The following PLCG2 variants were observed in gnomAD, a reference collection of about 807,000 sequenced individuals.
PLCG2 encodes the protein phospholipase C gamma 2, also known as 1-phosphatidylinositol 4,5-bisphosphate phosphodiesterase gamma-2.
PLCG2 carries 69 observed loss-of-function variants against 175.6 expected under a neutral mutation model. The observed-to-expected ratio is 0.39, with a 90% CI of 0.32 to 0.48. PLCG2 has a LOEUF of 0.48. Among genes scored for constraint, PLCG2 ranks in the 20% least tolerant of loss-of-function variants. The pLI, the probability that PLCG2 is intolerant of heterozygous loss-of-function variation, is 0.91. For missense variants in PLCG2, 1,798 were observed against 1,650.9 expected (o/e 1.09, Z -1.54); for synonymous variants, 827 against 624.0 (o/e 1.33, Z -4.85).
At chr16:81,946,839 C>G (rs757989301) in intron 31 of PLCG2, among the ~76,000 whole-genome samples, 3 of 151,908 alleles carry the variant, frequency 2.0e-5, no homozygotes, top group African/African-American at 7.3e-5. Context: ...AATGGTAAAA[C>G]TGTAAAACCT....
intron 1 of PLCG2, chr16:81,739,549 C>G (rs113556119): frequency 6.6e-6 from 1 of 152,280 alleles, no homozygotes; most frequent in African/African-American, 2.4e-5. Flanking sequence ...TCCAGCTGCT[C>G]CCCCGTACTC....
At chr16:81,778,066 A>AAAC (rs1910523604), upstream of PLCG2, among the ~76,000 whole-genome samples, 50 of 84,904 alleles carry the variant, frequency 5.9e-4, 1 homozygote, top group South Asian at 9.3e-4. Flanking sequence ...AAAAAAAACC[A>AAAC]AAAACACACA....
chr16:81,938,156 C>A (rs1048707530), intron 28 of PLCG2, among the ~76,000 whole-genome samples: 5 of 152,074 alleles, frequency 3.3e-5, no homozygotes, highest in African/African-American at 1.2e-4. Context: ...GAGGTATGAC[C>A]CTATCTTTCT....
intron 2 of PLCG2, among the ~76,000 whole-genome samples, chr16:81,846,907 C>T (rs74029255): frequency 0.022 from 3,325 of 152,192 alleles, 119 homozygotes; most frequent in African/African-American, 0.074. Flanking sequence ...TTTCCCCCCA[C>T]GCATCAAGCA....
intron 10 of PLCG2, chr16:81,889,508 C>G (rs979575199): frequency 2.5e-6 from 1 of 406,822 alleles, no homozygotes; most frequent in East Asian, 3.8e-5. Flanking sequence ...CTAGACAGAA[C>G]CGATTGATCA....
chr16:81,833,019 C>A (rs1905330926), intron 2 of PLCG2, among the ~76,000 whole-genome samples: 1 of 152,186 alleles, frequency 6.6e-6, no homozygotes, highest in Non-Finnish European at 1.5e-5. Flanking sequence ...TGATGAGGAC[C>A]TGGAAAGGGA....
intron 2 of PLCG2, among the ~76,000 whole-genome samples, chr16:81,851,308 G>T (rs916900657): frequency 6.6e-6 from 1 of 152,120 alleles, no homozygotes; most frequent in South Asian, 2.1e-4. Flanking sequence ...CATGGTCGCT[G>T]GTGCAGTGCT....
intron 7 of PLCG2, among the ~76,000 whole-genome samples, chr16:81,875,437 C>G (rs1907733416): frequency 6.6e-6 from 1 of 152,208 alleles, no homozygotes; most frequent in Non-Finnish European, 1.5e-5. Flanking sequence ...TTCTGCCCAA[C>G]TTTGACGCAT....
intron 9 of PLCG2, among the ~76,000 whole-genome samples, chr16:81,883,778 C>G (rs139998242): frequency 1.8e-3 from 274 of 152,338 alleles, no homozygotes; most frequent in African/African-American, 5.7e-3. Flanking sequence ...GGGAGATAAA[C>G]TAGCACAGCT....
At position 81,894,947 on chromosome 16, in the gene PLCG2, A is replaced by G. The variant is rs114501579; in HGVS notation, c.1073-860A>G. Reference sequence around the variant, plus strand: ...TACTGACTTAGGCTCCAGTGTTACCAAAACGACTCATCATGGAAGCAACGT... The same window carrying G: ...TACTGACTTAGGCTCCAGTGTTACCGAAACGACTCATCATGGAAGCAACGT... On this transcript the variant is annotated intron_variant, in intron 12 of 32. Transcript: ENST00000564138. Among the ~76,000 whole-genome samples, 1,133 of 152,342 alleles carry G rather than the reference A, an allele frequency of 7.4e-3. 16 individuals carry two copies. Among genetic ancestry groups the G allele is most frequent in the African/African-American group, 0.027 (1,102 of 41,572 alleles).
chr16:81,870,837 T>C lies in PLCG2; in HGVS notation c.565-15T>C. The C allele has an allele frequency of 6.6e-7, 1 of 1,505,868 alleles. No individual in the cohort carries two copies. Among genetic ancestry groups the C allele is most frequent in the Non-Finnish European group, 9.1e-7 (1 of 1,095,460 alleles). The allele number at this position is 1,505,868 out of a possible 1,614,324, so 93.3% of individuals were successfully genotyped here. On this transcript the variant is annotated splice_polypyrimidine_tract_variant and intron_variant, in intron 6 of 32. Coordinates refer to ENST00000564138, the MANE Select transcript of PLCG2 (RefSeq NM_002661.5). The stretch of plus-strand genomic sequence containing the variant: ...GACATCAAAAATCATGTGGTCACTT[T>C]TTTCATATTTACAGGAAATAGGAGC...
At chr16:81,753,342 G>GT (rs34438350) in intron 1 of PLCG2, among the ~76,000 whole-genome samples, 4,773 of 91,130 alleles carry the variant, frequency 0.052, 119 homozygotes, top group African/African-American at 0.09. Flanking sequence ...GTCCTGGCAG[G>GT]TTTTTTTTTT....
At chr16:81,745,657 G>A (rs756274474) in intron 1 of PLCG2, among the ~76,000 whole-genome samples, 1 of 152,196 alleles carries the variant, frequency 6.6e-6, no homozygotes, top group Non-Finnish European at 1.5e-5. Context: ...TGGGCAGTCT[G>A]GTAGCTTCTG....
chr16:81,906,063 C>T (rs1909355519), intron 15 of PLCG2, among the ~76,000 whole-genome samples: 1 of 113,376 alleles, frequency 8.8e-6, no homozygotes, highest in Non-Finnish European at 1.9e-5. Flanking sequence ...TCTACCCTTA[C>T]CAAGCTTCTC....
intron 25 of PLCG2, 141 bp from the exon 26 acceptor site, chr16:81,934,288 C>T: frequency 1.6e-6 from 1 of 624,802 alleles, no homozygotes; most frequent in East Asian, 2.7e-5. Context: ...GGGTTGTCTT[C>T]AGGAAAGGAA....
intron 2 of PLCG2, among the ~76,000 whole-genome samples, chr16:81,849,905 C>A (rs1025446684): frequency 6.6e-6 from 1 of 151,814 alleles, no homozygotes; most frequent in Non-Finnish European, 1.5e-5. Context: ...CACTGGCAGT[C>A]AACTGGGTGG....
chr16:81,910,467 C>T (rs988835555), intron 17 of PLCG2, 53 bp from the exon 18 acceptor site: 25 of 1,529,254 alleles, frequency 1.6e-5, no homozygotes, highest in Non-Finnish European at 2.0e-5. Flanking sequence ...CCCTGGCTGC[C>T]GCAATGGCCT....
At chr16:81,932,457 T>C (rs955562435) in intron 25 of PLCG2, among the ~76,000 whole-genome samples, 1 of 152,276 alleles carries the variant, frequency 6.6e-6, no homozygotes, top group South Asian at 2.1e-4. Flanking sequence ...TGGAAAGAAA[T>C]TGTAGGGTTT....
intron 31 of PLCG2, among the ~76,000 whole-genome samples, chr16:81,949,131 A>G (rs190112093): frequency 6.6e-6 from 1 of 152,240 alleles, no homozygotes; most frequent in African/African-American, 2.4e-5. Flanking sequence ...TGAGATGGAA[A>G]GAAAGGAAAA....
Sources: gnomAD v4.1 joint callset for allele counts (sites outside exome capture counted in the v4.1 genomes callset) on GRCh38, gnomAD v4.1.1 for gene constraint, MANE v1.5 for transcripts, NCBI Gene and HGNC (gene_info 2026-07-23, HGNC 2026-07-21) for gene names.